VSTM4: variants seen among roughly 807,000 people sequenced by gnomAD.
VSTM4 encodes the protein V-set and transmembrane domain containing 4.
In VSTM4, 20 loss-of-function variants were observed where a neutral mutation model predicts 36.4. The observed-to-expected ratio is 0.55, with a 90% CI of 0.39 to 0.80. VSTM4 has a LOEUF of 0.80. Ranked by LOEUF, VSTM4 falls within the 30% of genes least tolerant of loss-of-function variation. VSTM4 has a pLI of 0.00. For missense variants in VSTM4, 392 were observed against 404.5 expected (o/e 0.97, Z 0.26); for synonymous variants, 182 against 173.9 (o/e 1.05, Z -0.37).
chr10:49,085,844 C>T, intron 3 of VSTM4, 111 bp downstream of exon 3: 1 of 619,164 alleles, frequency 1.6e-6, no homozygotes, highest in South Asian at 2.5e-5. Context: ...ATATATGTAA[C>T]AAACCTGCAC....
intron 7 of VSTM4, among the ~76,000 whole-genome samples, chr10:49,027,893 G>T (rs146102338): frequency 7.9e-5 from 12 of 152,184 alleles, no homozygotes; most frequent in Admixed American, 7.9e-4. Context: ...TGTTATAAAC[G>T]TTCAAATATA....
chr10:49,077,667 A>G (rs554263446), intron 3 of VSTM4, among the ~76,000 whole-genome samples: 1 of 152,196 alleles, frequency 6.6e-6, no homozygotes, highest in South Asian at 2.1e-4. Flanking sequence ...ATTAACTCAA[A>G]ATGAACCACA....
chr10:49,086,585 C>T (rs1484845771), intron 2 of VSTM4, among the ~76,000 whole-genome samples: 2 of 152,204 alleles, frequency 1.3e-5, no homozygotes, highest in Non-Finnish European at 2.9e-5. Flanking sequence ...AATTGAGTTA[C>T]ACTGTGTGAA....
intron 5 of VSTM4, among the ~76,000 whole-genome samples, chr10:49,055,213 G>A (rs961181094): frequency 6.6e-6 from 1 of 152,186 alleles, no homozygotes; most frequent in Non-Finnish European, 1.5e-5. Flanking sequence ...CAGGCCCCCT[G>A]AGCTCTTCTT....
chr10:49,049,632 T>A (rs564252243), intron 5 of VSTM4, among the ~76,000 whole-genome samples: 1 of 151,890 alleles, frequency 6.6e-6, no homozygotes, highest in Admixed American at 6.6e-5. Flanking sequence ...TATGACCCAA[T>A]CATCAAAATA....
intron 2 of VSTM4, among the ~76,000 whole-genome samples, chr10:49,105,383 A>G (rs1038608928): frequency 2.0e-4 from 31 of 151,634 alleles, no homozygotes; most frequent in African/African-American, 7.5e-4. Context: ...AGAGAGAGAC[A>G]GAAAGAGAGA....
chr10:49,047,036 C>T lies in VSTM4; in HGVS notation c.784G>A (p.Ala262Thr), dbSNP rs149594660. The T allele has an allele frequency of 8.7e-5, 141 of 1,614,132 alleles. No individual in the cohort carries two copies. In the African/African-American group the frequency reaches 1.7e-3, roughly 20 times the overall value. ...AGCTTCGGTTTATGGAACGTGGGGG[C>T]TATCGGAGCTGTGGAAGTAGGTCAA... is the stretch of plus-strand genomic sequence containing the variant. ...PPAVPAKAPIAPTFHKPKLLK... is the reference protein window; with the variant it reads ...PPAVPAKAPITPTFHKPKLLK... Residue 262 changes from alanine (A) to threonine (T), a missense_variant, in exon 7 of 8, where the codon GCC becomes ACC. Physicochemically the swap from Ala to Thr is moderately conservative, Grantham distance 58. Transcript: ENST00000332853.
chr10:49,081,314 G>T (rs575899376), intron 3 of VSTM4, among the ~76,000 whole-genome samples: 1 of 152,318 alleles, frequency 6.6e-6, no homozygotes, highest in African/African-American at 2.4e-5. Context: ...ATGCAAATGT[G>T]GTCCCCAGAC....
At chr10:49,064,820 A>G (rs1843944387) in intron 4 of VSTM4, 84 bp from the exon 5 acceptor site, 5 of 1,472,762 alleles carry the variant, frequency 3.4e-6, no homozygotes, top group Non-Finnish European at 4.7e-6. Context: ...AAATGCCGGG[A>G]GCCAGGTGTT....
At chr10:49,068,765 C>G (rs1385861981) in intron 4 of VSTM4, among the ~76,000 whole-genome samples, 1 of 152,074 alleles carries the variant, frequency 6.6e-6, no homozygotes, top group Non-Finnish European at 1.5e-5. Context: ...TCCTAGGAAA[C>G]CCACTGGAAA....
At chr10:49,046,803 A>G (rs1054052541) in intron 7 of VSTM4, among the ~76,000 whole-genome samples, 180 bp downstream of exon 7, 8 of 152,180 alleles carry the variant, frequency 5.3e-5, no homozygotes, top group African/African-American at 1.7e-4. Context: ...TTACTCTGGG[A>G]ACTAAGTATG....
intron 4 of VSTM4, among the ~76,000 whole-genome samples, chr10:49,066,351 T>C (rs1156976505): frequency 6.6e-6 from 1 of 152,236 alleles, no homozygotes. Context: ...CAACTAAATC[T>C]TTCACAAGGG....
At position 49,018,149 on chromosome 10, in the gene VSTM4, G is replaced by A. The variant is rs577489293; in HGVS notation, c.*1501C>T. 1 of 152,304 alleles carries A rather than the reference G, an allele frequency of 6.6e-6. No individual in the cohort carries two copies. Among genetic ancestry groups the A allele is most frequent in the African/African-American group, 2.4e-5 (1 of 41,586 alleles). The allele number at this position is 152,304 out of a possible 1,614,324, so 9.4% of individuals were successfully genotyped here. ...GAGTCTTTGGGAACATTACTGTAGGGCTAAGTTGGTGGACAAATATTTGGT... is the reference window on the plus strand; with the variant it reads ...GAGTCTTTGGGAACATTACTGTAGGACTAAGTTGGTGGACAAATATTTGGT... On this transcript the variant is annotated 3_prime_UTR_variant, in exon 8 of 8. Transcript: ENST00000332853.
chr10:49,077,373 G>A, intron 3 of VSTM4, 47 bp from the exon 4 acceptor site: 1 of 1,533,176 alleles, frequency 6.5e-7, no homozygotes, highest in Non-Finnish European at 9.0e-7. Flanking sequence ...GGGGGCCGCA[G>A]CAGAAGTGCG....
chr10:49,052,283 T>A (rs1590088474), intron 5 of VSTM4, among the ~76,000 whole-genome samples: 1 of 152,296 alleles, frequency 6.6e-6, no homozygotes, highest in African/African-American at 2.4e-5. Context: ...CACTTGTCAA[T>A]TTTTTTAAAA....
intron 5 of VSTM4, among the ~76,000 whole-genome samples, chr10:49,054,219 G>A (rs1843741211): frequency 6.6e-6 from 1 of 152,172 alleles, no homozygotes; most frequent in Non-Finnish European, 1.5e-5. Context: ...CAAGAACACT[G>A]GAACAGGAAC....
At chr10:49,084,971 A>T (rs1844344838) in intron 3 of VSTM4, among the ~76,000 whole-genome samples, 1 of 152,226 alleles carries the variant, frequency 6.6e-6, no homozygotes. Context: ...AGTACCCCCA[A>T]AAGCTGTGAC....
intron 6 of VSTM4, among the ~76,000 whole-genome samples, chr10:49,048,194 T>C (rs1843642627): frequency 6.6e-6 from 1 of 152,198 alleles, no homozygotes; most frequent in Non-Finnish European, 1.5e-5. Context: ...AAACATAATC[T>C]GGAATCATCT....
intron 5 of VSTM4, among the ~76,000 whole-genome samples, chr10:49,059,197 C>A (rs945973799): frequency 3.3e-5 from 5 of 152,204 alleles, no homozygotes; most frequent in Admixed American, 1.3e-4. Context: ...GTTTATGGGT[C>A]AAGGCCTGGC....
Sources: allele counts gnomAD v4.1 joint callset (sites outside exome capture counted in the v4.1 genomes callset), GRCh38; gene constraint gnomAD v4.1.1; transcripts MANE v1.5; gene names NCBI Gene and HGNC (gene_info 2026-07-23, HGNC 2026-07-21).